The following ARHGAP26 variants were observed in gnomAD, a reference collection of about 807,000 sequenced individuals.
ARHGAP26 encodes Rho GTPase activating protein 26.
Under a neutral mutation model 104.8 loss-of-function variants are expected in ARHGAP26, and 38 were observed. The observed-to-expected ratio is 0.36, with a 90% CI of 0.28 to 0.48. The LOEUF is 0.48. Ranked by LOEUF, ARHGAP26 falls within the 20% of genes least tolerant of loss-of-function variation. The pLI, the probability that ARHGAP26 is intolerant of heterozygous loss-of-function variation, is 0.99. For synonymous variants in ARHGAP26, 341 were observed against 340.0 expected (o/e 1.00, Z -0.03); for missense variants, 704 against 947.9 (o/e 0.74, Z 3.38).
chr5:142,786,740 G>A (rs979419768), intron 1 of ARHGAP26, among the ~76,000 whole-genome samples: 2 of 142,980 alleles, frequency 1.4e-5, no homozygotes, highest in African/African-American at 2.6e-5. Flanking sequence ...TCCGCCTCCC[G>A]GGCTGAAGCA....
intron 19 of ARHGAP26, among the ~76,000 whole-genome samples, chr5:143,134,543 C>T (rs917363181): frequency 8.5e-5 from 13 of 152,140 alleles, no homozygotes; most frequent in African/African-American, 2.2e-4. Flanking sequence ...GGACCTTGTA[C>T]GGCTTGATCT....
intron 17 of ARHGAP26, among the ~76,000 whole-genome samples, chr5:143,074,516 C>T (rs246644): frequency 6.6e-6 from 1 of 152,010 alleles, no homozygotes; most frequent in Non-Finnish European, 1.5e-5. Context: ...GAAAAAAATG[C>T]AAAGAAGAGT....
chr5:142,913,151 A>T, intron 9 of ARHGAP26, 48 bp from the exon 10 acceptor site: 1 of 1,475,756 alleles, frequency 6.8e-7, no homozygotes, highest in Non-Finnish European at 9.5e-7. Context: ...TGGGAGGAGT[A>T]GAGCTCCCAT....
chr5:142,937,799 T>C (rs202002212), intron 11 of ARHGAP26, among the ~76,000 whole-genome samples: 1 of 97,778 alleles, frequency 1.0e-5, no homozygotes, highest in Non-Finnish European at 2.3e-5. Flanking sequence ...CAAAAAAAAA[T>C]ATACTTTAAT....
intron 17 of ARHGAP26, among the ~76,000 whole-genome samples, chr5:143,105,964 A>C (rs1562435849): frequency 6.6e-6 from 1 of 151,920 alleles, no homozygotes; most frequent in Non-Finnish European, 1.5e-5. Context: ...CATTTTTATA[A>C]TGAACTATTT....
intron 21 of ARHGAP26, 155 bp downstream of exon 21, chr5:143,207,463 G>A (rs1808746420): frequency 6.2e-7 from 1 of 1,613,966 alleles, no homozygotes; most frequent in Non-Finnish European, 8.5e-7. Flanking sequence ...AGCGGTACAT[G>A]AAGACTCCAG....
intron 1 of ARHGAP26, among the ~76,000 whole-genome samples, chr5:142,828,413 T>C (rs1262893914): frequency 1.3e-5 from 2 of 152,204 alleles, no homozygotes; most frequent in East Asian, 3.8e-4. Context: ...TTTTATTTCT[T>C]TTAAGCCCAA....
chr5:142,966,725 T>C (rs1370461779), intron 11 of ARHGAP26, among the ~76,000 whole-genome samples: 1 of 152,220 alleles, frequency 6.6e-6, no homozygotes, highest in Non-Finnish European at 1.5e-5. Context: ...GTTATCTTTT[T>C]TCAAATGTTT....
chr5:142,933,229 G>A (rs1363011165), intron 11 of ARHGAP26, among the ~76,000 whole-genome samples: 3 of 152,138 alleles, frequency 2.0e-5, no homozygotes, highest in Non-Finnish European at 4.4e-5. Flanking sequence ...TTCCTAAGTA[G>A]GTCTTTCTTT....
At chr5:143,020,796 G>A (rs976924341) in intron 12 of ARHGAP26, among the ~76,000 whole-genome samples, 1 of 151,878 alleles carries the variant, frequency 6.6e-6, no homozygotes, top group Non-Finnish European at 1.5e-5. Context: ...CCGCCCTCAC[G>A]CCCGGCTAAT....
At chr5:142,829,803 T>A (rs995196797) in intron 1 of ARHGAP26, among the ~76,000 whole-genome samples, 2 of 152,194 alleles carry the variant, frequency 1.3e-5, no homozygotes, top group Non-Finnish European at 2.9e-5. Flanking sequence ...GTCCACCATA[T>A]TGGCCTAATG....
Position 143,207,274 on chromosome 5 carries a change from A to G in ARHGAP26, c.2065A>G (p.Thr689Ala). ...MFSAPSSPMPTSSTSSDSSPV... is the reference protein window; with the variant it reads ...MFSAPSSPMPASSTSSDSSPV... ...CTCGGCGCCATCCAGCCCTATGCCC[A>G]CCTCATCCACGTCCAGCGACTCATC... Residue 689 changes from threonine to alanine, a missense_variant, in exon 21 of 23, where the codon ACC becomes GCC. Transcript: ENST00000645722. The G allele has an allele frequency of 6.2e-7, 1 of 1,613,556 alleles. No homozygotes were observed. The highest frequency in any genetic ancestry group is 8.5e-7 in the Non-Finnish European group (1 of 1,179,870).
At chr5:142,894,028 T>TA (rs781717097) in intron 5 of ARHGAP26, among the ~76,000 whole-genome samples, 1 of 152,058 alleles carries the variant, frequency 6.6e-6, no homozygotes, top group African/African-American at 2.4e-5. Flanking sequence ...TTTTTTGTTT[T>TA]AAAAAAATAT....
chr5:143,119,626 A>T (rs973246041), intron 17 of ARHGAP26, among the ~76,000 whole-genome samples: 1 of 152,194 alleles, frequency 6.6e-6, no homozygotes, highest in Non-Finnish European at 1.5e-5. Flanking sequence ...AATATTCTTT[A>T]TGTGGACCAG....
chr5:143,177,114 C>T lies in ARHGAP26; in HGVS notation c.1988+29733C>T, dbSNP rs76101848. Reference sequence around the variant, plus strand: ...TGTTGCCCTGGTATAAATTTAATTGCGCCTTTCTGCTTCAATGTGCTGGTT... The same window carrying T: ...TGTTGCCCTGGTATAAATTTAATTGTGCCTTTCTGCTTCAATGTGCTGGTT... On this transcript the variant is annotated intron_variant, in intron 20 of 22. Coordinates refer to ENST00000645722, the MANE Select transcript of ARHGAP26 (RefSeq NM_001135608.3). 6.0e-3 allele frequency among the ~76,000 whole-genome samples: 910 copies of T among 152,294 alleles called. 6 individuals are homozygous for T. The highest frequency in any genetic ancestry group is 0.021 in the African/African-American group (864 of 41,560).
chr5:143,107,139 C>T (rs1395904116), intron 17 of ARHGAP26, among the ~76,000 whole-genome samples: 1 of 152,116 alleles, frequency 6.6e-6, no homozygotes, highest in East Asian at 1.9e-4. Context: ...TGCATGGCAT[C>T]TCATAGGTGT....
chr5:142,841,044 TGATCTATGTCTC>T (rs753296595), intron 1 of ARHGAP26, among the ~76,000 whole-genome samples: 14 of 152,352 alleles, frequency 9.2e-5, no homozygotes, highest in Non-Finnish European at 7.3e-5. Context: ...AGTAATATTA[TGATCTATGTCTC>T]ACCATTTAAG....
chr5:143,151,763 C>T (rs1393113717), intron 20 of ARHGAP26, among the ~76,000 whole-genome samples: 1 of 152,088 alleles, frequency 6.6e-6, no homozygotes, highest in Non-Finnish European at 1.5e-5. Context: ...TGAGACCAGC[C>T]TGGACAACAT....
chr5:143,129,818 G>A (rs1169541466), intron 18 of ARHGAP26, among the ~76,000 whole-genome samples: 1 of 152,176 alleles, frequency 6.6e-6, no homozygotes, highest in South Asian at 2.1e-4. Context: ...ACTGCACTGA[G>A]CATTTTATGT....
Sources: gnomAD v4.1 joint callset for allele counts (sites outside exome capture counted in the v4.1 genomes callset) on GRCh38, gnomAD v4.1.1 for gene constraint, MANE v1.5 for transcripts, NCBI Gene and HGNC (gene_info 2026-07-23, HGNC 2026-07-21) for gene names.